The following JMJD1C variants were observed in gnomAD, a reference collection of about 807,000 sequenced individuals.
The protein encoded by JMJD1C is jumonji domain-containing protein 1C.
JMJD1C carries 31 observed loss-of-function variants against 245.3 expected under a neutral mutation model. The observed-to-expected ratio is 0.13, with a 90% CI of 0.09 to 0.17. JMJD1C has a LOEUF of 0.17. Among genes scored for constraint, JMJD1C ranks in the 10% least tolerant of loss-of-function variants. The probability of loss-of-function intolerance (pLI) is 1.00; values close to 1 mark genes in which losing one functional copy is unlikely to be tolerated. For missense variants in JMJD1C, 2,691 were observed against 3,000.2 expected (o/e 0.90, Z 2.41); for synonymous variants, 1,057 against 1,017.4 (o/e 1.04, Z -0.74).
Position 63,197,402 on chromosome 10 carries a change from T to C in JMJD1C, c.5644+9A>G, listed in dbSNP as rs1275521352. 6 of 1,608,858 alleles carry C rather than the reference T, an allele frequency of 3.7e-6. No homozygotes were observed. The highest frequency in any genetic ancestry group is 5.1e-6 in the Non-Finnish European group (6 of 1,178,040). On this transcript the variant is annotated intron_variant, in intron 13 of 25. Coordinates refer to ENST00000399262, the MANE Select transcript of JMJD1C (RefSeq NM_032776.3). ...AAAAACTTCAATTTATATAAACTTA[T>C]ACACCAACCTCTAGAACTCTTCCTT...
rs540738867 is a variant in JMJD1C at position 63,378,180 on chromosome 10, C to T, written c.333+2138G>A. On this transcript the variant is annotated intron_variant, in intron 2 of 25. Transcript: ENST00000399262. ...GCTAAGAGGTTTTCAACAGAAACAA[C>T]TTTGTAAAATTATGACAAAATTATC... Among the ~76,000 whole-genome samples the T allele has an allele frequency of 3.3e-5, 5 of 152,068 alleles. No individual in the cohort carries two copies. In the South Asian group the frequency reaches 1.0e-3, roughly 32 times the overall value.
intron 2 of JMJD1C, among the ~76,000 whole-genome samples, chr10:63,362,077 A>C (rs1945407086): frequency 6.6e-6 from 1 of 152,040 alleles, no homozygotes; most frequent in African/African-American, 2.4e-5. Context: ...GCTACTAAAA[A>C]TACAAAAATT....
intron 16 of JMJD1C, among the ~76,000 whole-genome samples, chr10:63,192,253 A>T: frequency 1.8e-5 from 1 of 54,702 alleles, no homozygotes; most frequent in African/African-American, 6.1e-5. Context: ...CATGTCTACA[A>T]AAACTAAAAA....
intron 1 of JMJD1C, among the ~76,000 whole-genome samples, chr10:63,402,112 C>T (rs1426621865): frequency 7.2e-6 from 1 of 139,082 alleles, no homozygotes; most frequent in Non-Finnish European, 1.5e-5. Flanking sequence ...CCAGCCTGGG[C>T]AACAAGAGCA....
chr10:63,317,307 C>A (rs1940206175), intron 2 of JMJD1C, among the ~76,000 whole-genome samples: 1 of 152,082 alleles, frequency 6.6e-6, no homozygotes, highest in Non-Finnish European at 1.5e-5. Flanking sequence ...AAGATTGAGA[C>A]CACTCTGGCC....
chr10:63,377,998 A>AC (rs1946901947), intron 2 of JMJD1C, among the ~76,000 whole-genome samples: 1 of 148,574 alleles, frequency 6.7e-6, no homozygotes, highest in Admixed American at 6.8e-5. Flanking sequence ...TATATATATA[A>AC]TATATATGAG....
intron 1 of JMJD1C, among the ~76,000 whole-genome samples, chr10:63,410,742 A>T (rs952234422): frequency 6.6e-6 from 1 of 152,134 alleles, no homozygotes; most frequent in African/African-American, 2.4e-5. Context: ...GGTTTTCATA[A>T]TACCCCACAC....
At chr10:63,521,628 G>A (rs1955248342) in intron 1 of JMJD1C, 18 of 1,328,596 alleles carry the variant, frequency 1.4e-5, no homozygotes, top group Non-Finnish European at 1.8e-5. Context: ...CAGGGGAGCT[G>A]TGGGAAGGGG....
At chr10:63,224,467 G>T (rs1056373913) in intron 3 of JMJD1C, among the ~76,000 whole-genome samples, 9 of 151,990 alleles carry the variant, frequency 5.9e-5, no homozygotes, top group Admixed American at 5.9e-4. Flanking sequence ...CCTCCCCCTC[G>T]TCTACATATA....
chr10:63,521,553 C>A, intron 1 of JMJD1C: 2 of 1,429,156 alleles, frequency 1.4e-6, no homozygotes, highest in Non-Finnish European at 1.9e-6. Flanking sequence ...AAGATGGTGT[C>A]CTGGATGATC....
At chr10:63,466,152 G>GGCGGCGGCGGCA (rs1953265263), upstream of JMJD1C, 1 of 190,528 alleles carries the variant, frequency 5.2e-6, no homozygotes, top group East Asian at 1.7e-4. Flanking sequence ...CGGCGGCGGC[G>GGCGGCGGCGGCA]GCGGCAGCGG....
At position 63,465,936 on chromosome 10, in the gene JMJD1C, C is replaced by A. The variant is rs1204042907; in HGVS notation, c.-274G>T. The A allele has an allele frequency of 3.5e-6, 2 of 565,414 alleles. No individual in the cohort carries two copies. The highest frequency in any genetic ancestry group is 3.7e-5 in the African/African-American group (2 of 53,428). The allele number at this position is 565,414 out of a possible 1,614,324, so 35.0% of individuals were successfully genotyped here. ...AAACCCAACGCGGCCGTCGAAGACC[C>A]CGAGGCAGCCCAGCCGCCGCCACCG... On this transcript the variant is annotated 5_prime_UTR_variant, in exon 1 of 26. Coordinates refer to ENST00000399262, the MANE Select transcript of JMJD1C (RefSeq NM_032776.3).
intron 1 of JMJD1C, among the ~76,000 whole-genome samples, chr10:63,433,498 C>G (rs941305296): frequency 6.6e-5 from 10 of 151,824 alleles, no homozygotes; most frequent in African/African-American, 2.2e-4. Flanking sequence ...ACGTCATTCA[C>G]AAACCATGAT....
chr10:63,232,872 T>A (rs937330230), intron 3 of JMJD1C, among the ~76,000 whole-genome samples: 3 of 152,202 alleles, frequency 2.0e-5, no homozygotes, highest in Admixed American at 6.5e-5. Flanking sequence ...ATTTGGTATA[T>A]ATAAATTCAC....
intron 16 of JMJD1C, 137 bp from the exon 17 acceptor site, chr10:63,191,245 T>C (rs989045223): frequency 4.7e-6 from 3 of 641,732 alleles, no homozygotes; most frequent in Non-Finnish European, 5.4e-6. Context: ...GGTTCTCCTG[T>C]CTCAGCTTCC....
chr10:63,486,485 G>T (rs1814585743), intron 1 of JMJD1C, among the ~76,000 whole-genome samples: 1 of 152,026 alleles, frequency 6.6e-6, no homozygotes, highest in East Asian at 1.9e-4. Context: ...CACGGAAAAT[G>T]GATAGAAATA....
At chr10:63,344,796 GA>G (rs954030336) in intron 2 of JMJD1C, among the ~76,000 whole-genome samples, 6 of 151,672 alleles carry the variant, frequency 4.0e-5, no homozygotes, top group South Asian at 4.1e-4. Context: ...ACCACAAGGG[GA>G]AAAAAAATTA....
At chr10:63,382,919 T>C (rs1947322525) in intron 1 of JMJD1C, 3 of 454,090 alleles carry the variant, frequency 6.6e-6, no homozygotes, top group South Asian at 3.1e-5. Flanking sequence ...GAATTTCTAC[T>C]GCAATTACTT....
chr10:63,440,372 AG>A (rs1207525687), intron 1 of JMJD1C, among the ~76,000 whole-genome samples: 71 of 148,390 alleles, frequency 4.8e-4, no homozygotes, highest in Middle Eastern at 3.6e-3. Flanking sequence ...ATATAGAGAG[AG>A]AGAGAGAGAG....
Sources: gnomAD v4.1 joint callset for allele counts (sites outside exome capture counted in the v4.1 genomes callset) on GRCh38, gnomAD v4.1.1 for gene constraint, MANE v1.5 for transcripts, NCBI Gene and HGNC (gene_info 2026-07-23, HGNC 2026-07-21) for gene names.